The following ATF7IP2 variants were observed in gnomAD, a reference collection of about 807,000 sequenced individuals.
ATF7IP2 encodes the protein activating transcription factor 7 interacting protein 2.
In ATF7IP2, 42 loss-of-function variants were observed where a neutral mutation model predicts 64.2. The observed-to-expected ratio is 0.65, with a 90% CI of 0.51 to 0.85. The LOEUF (loss-of-function observed/expected upper bound fraction) is 0.85, where lower values mean the gene tolerates loss of function less well. ATF7IP2 is among the 40% of genes least tolerant of loss of function. The probability of loss-of-function intolerance (pLI) is 0.00; values close to 1 mark genes in which losing one functional copy is unlikely to be tolerated. For missense variants in ATF7IP2, 933 were observed against 784.2 expected, an observed-to-expected ratio of 1.19 and a Z score of -2.27; for synonymous variants, 308 against 272.8, an observed-to-expected ratio of 1.13 and a Z score of -1.27.
rs1213798073 is a variant in ATF7IP2 at position 10,481,873 on chromosome 16, A to G, written c.1673A>G (p.Glu558Gly). The G allele has an allele frequency of 6.2e-7, 1 of 1,605,510 alleles. No homozygotes were observed. The highest frequency in any genetic ancestry group is 2.2e-5 in the East Asian group (1 of 44,840). Residue 558 changes from glutamate to glycine, a missense_variant, in exon 14 of 14, where the codon GAA becomes GGA. Transcript: ENST00000562102. ...TTTGAGCACCTGCCACCTCTCCCAG[A>G]ACCACCAGCACCACTACCTGAATTA... ...ESFEHLPPLP[E>G]PPAPLPELVD...
chr16:10,399,840 G>C (rs2047492210), intron 1 of ATF7IP2, among the ~76,000 whole-genome samples: 1 of 152,116 alleles, frequency 6.6e-6, no homozygotes, highest in South Asian at 2.1e-4. Flanking sequence ...TTTTCCATTT[G>C]TGTCAGCTAC....
In ATF7IP2 at chr16:10,431,475, C is replaced by A. The variant is rs761260926; in HGVS notation, c.835+20C>A. ...ACAACAGTAAGTATATACTTATGCA[C>A]CTTTTAGAAAAATTAAAATAGTCAC... On this transcript the variant is annotated intron_variant, in intron 5 of 13. Coordinates refer to ENST00000562102, the MANE Select transcript of ATF7IP2 (RefSeq NM_001393719.1). 1.0e-5 allele frequency: 15 copies of A among 1,466,214 alleles called. No individual in the cohort carries two copies. In the East Asian group the frequency reaches 2.5e-4, roughly 25 times the overall value. 90.8% of individuals were successfully genotyped at this position (1,466,214 alleles called of 1,614,324 possible).
intron 1 of ATF7IP2, among the ~76,000 whole-genome samples, chr16:10,406,991 C>G (rs2047653621): frequency 6.6e-6 from 1 of 152,014 alleles, no homozygotes; most frequent in South Asian, 2.1e-4. Context: ...ATGTAAAAAT[C>G]AGCAAAATGG....
Position 10,480,968 on chromosome 16 carries a change from C to A in ATF7IP2, c.1635+4C>A. The A allele has an allele frequency of 6.3e-7, 1 of 1,587,186 alleles. No individual in the cohort carries two copies. Among genetic ancestry groups the A allele is most frequent in the East Asian group, 2.2e-5 (1 of 44,728 alleles). On this transcript the variant is annotated splice_donor_region_variant and intron_variant, in intron 13 of 13. Transcript: ENST00000562102. ...ATTGGCACAAAATGCAGTCCAGGTA[C>A]TGAATCAAAGTGCTCTGTAAGGGAT...
At chr16:10,469,865 A>C (rs2049724536) in intron 9 of ATF7IP2, among the ~76,000 whole-genome samples, 1 of 150,110 alleles carries the variant, frequency 6.7e-6, no homozygotes, top group Admixed American at 6.7e-5. Context: ...AATTGAGATC[A>C]TAGATACTTC....
At chr16:10,440,677 G>C (rs2048585559) in intron 8 of ATF7IP2, among the ~76,000 whole-genome samples, 1 of 152,206 alleles carries the variant, frequency 6.6e-6, no homozygotes, top group Non-Finnish European at 1.5e-5. Context: ...AAGAGGATTG[G>C]TGATTGCCAA....
chr16:10,431,895 C>G (rs2048271720), intron 5 of ATF7IP2, among the ~76,000 whole-genome samples: 1 of 142,936 alleles, frequency 7.0e-6, no homozygotes, highest in Admixed American at 7.3e-5. Flanking sequence ...GCGATCTTGG[C>G]TCACTGCAAC....
intron 6 of ATF7IP2, among the ~76,000 whole-genome samples, chr16:10,434,471 A>G (rs1434460728): frequency 1.3e-5 from 2 of 152,192 alleles, no homozygotes; most frequent in African/African-American, 4.8e-5. Flanking sequence ...ACCATTTTTT[A>G]AAACAGACCA....
intron 8 of ATF7IP2, among the ~76,000 whole-genome samples, chr16:10,453,121 C>A (rs59632795): frequency 0.018 from 2,723 of 152,250 alleles, 75 homozygotes; most frequent in African/African-American, 0.062. Context: ...ATTCTAGGCA[C>A]CACTAGGGTA....
At chr16:10,424,935 CAGA>C (rs1302073014) in intron 3 of ATF7IP2, among the ~76,000 whole-genome samples, 1 of 152,024 alleles carries the variant, frequency 6.6e-6, no homozygotes, top group East Asian at 1.9e-4. Context: ...GGTAGTTCCT[CAGA>C]AGGTTAAATC....
intron 1 of ATF7IP2, chr16:10,387,393 T>C (rs553429995): frequency 6.6e-6 from 1 of 152,256 alleles, no homozygotes; most frequent in African/African-American, 2.4e-5. Context: ...TCTGCAGATA[T>C]GTACAGACCA....
chr16:10,461,323 A>G (rs887307132), intron 9 of ATF7IP2, among the ~76,000 whole-genome samples: 2 of 152,132 alleles, frequency 1.3e-5, no homozygotes, highest in Admixed American at 6.5e-5. Context: ...CCTTTGACCT[A>G]GCAGTCCCAG....
intron 4 of ATF7IP2, among the ~76,000 whole-genome samples, chr16:10,430,076 AC>A (rs2048195996): frequency 6.6e-6 from 1 of 151,682 alleles, no homozygotes; most frequent in Admixed American, 6.6e-5. Flanking sequence ...CTGGTCTCGA[AC>A]CCCTTACTGC....
intron 3 of ATF7IP2, 68 bp downstream of exon 3, chr16:10,419,691 T>C (rs1212781864): frequency 6.5e-6 from 1 of 152,718 alleles, no homozygotes; most frequent in Non-Finnish European, 1.5e-5. Context: ...AGTCTCAACA[T>C]GGCTGCAACT....
chr16:10,468,811 C>G (rs1048950885), intron 9 of ATF7IP2, among the ~76,000 whole-genome samples: 1 of 152,082 alleles, frequency 6.6e-6, no homozygotes, highest in Non-Finnish European at 1.5e-5. Flanking sequence ...TCTTGTTTTC[C>G]CCCTGGCTAG....
chr16:10,475,411 G>A (rs2049965785), intron 12 of ATF7IP2, among the ~76,000 whole-genome samples: 1 of 152,120 alleles, frequency 6.6e-6, no homozygotes, highest in African/African-American at 2.4e-5. Flanking sequence ...ATCCAAACTG[G>A]CTGGGCGCGG....
In ATF7IP2 at chr16:10,406,354, C is replaced by T. The variant is rs115586202; in HGVS notation, c.-241-8220C>T. Among the ~76,000 whole-genome samples the T allele has an allele frequency of 6.3e-3, 964 of 152,166 alleles. 7 individuals are homozygous for T. The highest frequency in any genetic ancestry group is 0.021 in the African/African-American group (874 of 41,518). ...CTCCTGGGCTCAAGCTGTCCACTTG[C>T]CTCAGCCTTCCAAAGTGCTGGGATT... On this transcript the variant is annotated intron_variant, in intron 1 of 13. Coordinates refer to ENST00000562102, the MANE Select transcript of ATF7IP2 (RefSeq NM_001393719.1).
Position 10,411,703 on chromosome 16 carries a change from C to T in ATF7IP2, c.-241-2871C>T, listed in dbSNP as rs2047763141. ...AATTTTTTAATTGCCATGTCAATCT[C>T]ACTGTATGTTATTGGTCTTTCAGGG... On this transcript the variant is annotated intron_variant, in intron 1 of 13. Transcript: ENST00000562102. 2.6e-5 allele frequency among the ~76,000 whole-genome samples: 4 copies of T among 152,116 alleles called. No homozygotes were observed. The South Asian group carries it at 6.2e-4, about 24-fold the overall frequency.
rs888880862 is a variant in ATF7IP2 at position 10,422,348 on chromosome 16, C to A, written c.-160+2725C>A. ...TTCCTTCAAACTTTGCAAATTTTTTCCTAGCCCCATACCAGGGACATACCC... is the reference window on the plus strand; with the variant it reads ...TTCCTTCAAACTTTGCAAATTTTTTACTAGCCCCATACCAGGGACATACCC... On this transcript the variant is annotated intron_variant, in intron 3 of 13. Coordinates refer to ENST00000562102, the MANE Select transcript of ATF7IP2 (RefSeq NM_001393719.1). Among the ~76,000 whole-genome samples, 6 of 152,136 alleles carry A rather than the reference C, an allele frequency of 3.9e-5. No homozygotes were observed. In the South Asian group the frequency reaches 1.2e-3, roughly 31 times the overall value.
Sources: allele counts gnomAD v4.1 joint callset (sites outside exome capture counted in the v4.1 genomes callset), GRCh38; gene constraint gnomAD v4.1.1; transcripts MANE v1.5; gene names NCBI Gene and HGNC (gene_info 2026-07-23, HGNC 2026-07-21).